The following SBF2 variants were observed in gnomAD, a reference collection of about 807,000 sequenced individuals.
SBF2 encodes myotubularin-related protein 13.
SBF2 carries 112 observed loss-of-function variants against 225.2 expected under a neutral mutation model. The ratio of observed to expected loss-of-function variants is 0.50; its 90% CI spans 0.43 to 0.58. The LOEUF is 0.58. Ranked by LOEUF, SBF2 falls within the 20% of genes least tolerant of loss-of-function variation. SBF2 has a pLI of 0.00. For missense variants in SBF2, 1,996 were observed against 2,206.2 expected (o/e 0.90, Z 1.91); for synonymous variants, 763 against 773.3 (o/e 0.99, Z 0.22).
Position 9,812,544 on chromosome 11 carries a change from C to A in SBF2, c.4143G>T (p.Glu1381Asp), listed in dbSNP as rs1270580365. 1.2e-6 allele frequency: 2 copies of A among 1,614,062 alleles called. No homozygotes were observed. Among genetic ancestry groups the A allele is most frequent in the East Asian group, 2.2e-5 (1 of 44,892 alleles). ...VTFLKALGDS[E>D]WFPQLHRIMQ... is the part of the protein sequence containing the mutation. ...CTTCAGACATTACCTGTGGGAACCACTCAGAATCTCCCAGCGCTTTCAGGA... is the reference window on the plus strand; with the variant it reads ...CTTCAGACATTACCTGTGGGAACCAATCAGAATCTCCCAGCGCTTTCAGGA... Residue 1381 changes from glutamate (E) to aspartate (D), a missense_variant, in exon 30 of 40, where the codon GAG becomes GAT. Physicochemically the swap from Glu to Asp is conservative, Grantham distance 45. Transcript: ENST00000256190.
intron 1 of SBF2, among the ~76,000 whole-genome samples, chr11:10,279,362 G>A (rs1246987020): frequency 6.8e-6 from 1 of 147,962 alleles, no homozygotes; most frequent in Admixed American, 6.8e-5. Context: ...GTAGTGAGCT[G>A]AGGTCGCACC....
At position 10,129,100 on chromosome 11, in the gene SBF2, CTTTTTT is replaced by C. The variant is rs757476668; in HGVS notation, c.141+64796_141+64801del. ...TTGTTATTTGCACGCAATTTTCTCT[CTTTTTT>C]TTTTTTTTTTTTTTTTTTTGAGACA... On this transcript the variant is annotated intron_variant, in intron 2 of 39. Coordinates refer to ENST00000256190, the MANE Select transcript of SBF2 (RefSeq NM_030962.4). Among the ~76,000 whole-genome samples, 121 of 89,954 alleles carry C rather than the reference CTTTTTT, an allele frequency of 1.3e-3. 1 individual carries two copies. Among genetic ancestry groups the C allele is most frequent in the African/African-American group, 4.4e-3 (107 of 24,268 alleles). 59.0% of individuals were successfully genotyped at this position (89,954 alleles called of 152,430 possible). A position where few individuals can be genotyped will look rare whatever the true frequency, so the allele number is the denominator to read the frequency against.
chr11:10,196,855 TATATA>T (rs1352038848), intron 1 of SBF2, among the ~76,000 whole-genome samples: 492 of 33,944 alleles, frequency 0.014, 13 homozygotes, highest in African/African-American at 0.033. Flanking sequence ...TATATATATA[TATATA>T]TATATATTTT....
chr11:9,965,686 AC>A, intron 14 of SBF2, among the ~76,000 whole-genome samples: 1 of 152,346 alleles, frequency 6.6e-6, no homozygotes, highest in East Asian at 1.9e-4. Flanking sequence ...CCCTATGGTG[AC>A]ATCTTTCATA....
chr11:10,121,530 T>C (rs964220978), intron 2 of SBF2, among the ~76,000 whole-genome samples: 15 of 152,342 alleles, frequency 9.8e-5, no homozygotes, highest in East Asian at 9.6e-4. Flanking sequence ...AAGACTTAGC[T>C]ACAAGGCAGA....
chr11:10,117,424 G>C (rs563102477), intron 2 of SBF2, among the ~76,000 whole-genome samples: 6 of 131,972 alleles, frequency 4.5e-5, no homozygotes, highest in Non-Finnish European at 9.3e-5. Flanking sequence ...CTGGGCGACA[G>C]AGTGAGAATC....
chr11:9,971,592 T>C (rs558609304), intron 13 of SBF2, among the ~76,000 whole-genome samples: 44 of 152,098 alleles, frequency 2.9e-4, no homozygotes, highest in South Asian at 1.2e-3. Flanking sequence ...GGGAGGAGGA[T>C]AGTTTAAGCC....
At chr11:9,919,870 T>C (rs888926104) in intron 16 of SBF2, among the ~76,000 whole-genome samples, 8 of 152,092 alleles carry the variant, frequency 5.3e-5, no homozygotes, top group Non-Finnish European at 1.0e-4. Flanking sequence ...AAGCTGAGAT[T>C]ACAGGCATGT....
intron 2 of SBF2, among the ~76,000 whole-genome samples, chr11:10,130,984 T>C (rs973491857): frequency 6.6e-6 from 1 of 152,128 alleles, no homozygotes; most frequent in Non-Finnish European, 1.5e-5. Context: ...CCATTGAAAA[T>C]AAAACCATGT....
At chr11:9,975,416 A>G (rs1946637817) in intron 13 of SBF2, among the ~76,000 whole-genome samples, 1 of 152,240 alleles carries the variant, frequency 6.6e-6, no homozygotes, top group Non-Finnish European at 1.5e-5. Flanking sequence ...GCCATTATGG[A>G]AAAGGCAAAA....
At chr11:9,932,006 C>CTATCAACTG in intron 16 of SBF2, among the ~76,000 whole-genome samples, 1 of 151,824 alleles carries the variant, frequency 6.6e-6, no homozygotes, top group Non-Finnish European at 1.5e-5. Flanking sequence ...ATACCCAATT[C>CTATCAACTG]GATCAACTGG....
intron 16 of SBF2, among the ~76,000 whole-genome samples, chr11:9,918,743 G>A (rs530402078): frequency 6.7e-6 from 1 of 149,774 alleles, no homozygotes; most frequent in East Asian, 2.0e-4. Flanking sequence ...GTGGATTTAC[G>A]TCTTTTTTTT....
chr11:10,153,069 T>A (rs766294242), intron 2 of SBF2, among the ~76,000 whole-genome samples: 1 of 152,220 alleles, frequency 6.6e-6, no homozygotes, highest in Non-Finnish European at 1.5e-5. Flanking sequence ...ATAAAGAGGA[T>A]TCATTTCATT....
chr11:9,844,760 G>A (rs567919789), intron 24 of SBF2, among the ~76,000 whole-genome samples: 28 of 152,018 alleles, frequency 1.8e-4, no homozygotes, highest in Non-Finnish European at 3.1e-4. Context: ...GACAAGGGGA[G>A]GGATAGCATT....
intron 1 of SBF2, among the ~76,000 whole-genome samples, chr11:10,277,684 T>C (rs780543269): frequency 5.2e-4 from 79 of 152,144 alleles, no homozygotes; most frequent in Non-Finnish European, 5.0e-4. Context: ...AATCCAATGA[T>C]TAGCATCTTT....
chr11:10,131,081 G>C (rs1954025519), intron 2 of SBF2, among the ~76,000 whole-genome samples: 1 of 152,154 alleles, frequency 6.6e-6, no homozygotes, highest in South Asian at 2.1e-4. Context: ...TAAGTGTATA[G>C]TTAGCATTTT....
intron 2 of SBF2, among the ~76,000 whole-genome samples, chr11:10,076,083 T>A (rs1331013596): frequency 6.6e-6 from 1 of 152,248 alleles, no homozygotes; most frequent in Non-Finnish European, 1.5e-5. Context: ...GGCATTAGGC[T>A]ACGCTGTGGA....
intron 2 of SBF2, among the ~76,000 whole-genome samples, chr11:10,172,107 T>A (rs1162954009): frequency 2.0e-5 from 3 of 152,132 alleles, no homozygotes; most frequent in Non-Finnish European, 4.4e-5. Flanking sequence ...GTTGATCTTT[T>A]GTATTGTTTT....
Position 10,046,775 on chromosome 11 carries a change from G to A in SBF2, c.142-3794C>T, listed in dbSNP as rs530567791. ...TATTATCCTACAAGTCCTAGTTAAC[G>A]CAATAAAATGAAAAAAATAAAAAGT... is the stretch of plus-strand genomic sequence containing the variant. On this transcript the variant is annotated intron_variant, in intron 2 of 39. Coordinates refer to ENST00000256190, the MANE Select transcript of SBF2 (RefSeq NM_030962.4). 8.0e-5 allele frequency among the ~76,000 whole-genome samples: 12 copies of A among 149,170 alleles called. No homozygotes were observed. In the South Asian group the frequency reaches 1.1e-3, roughly 13 times the overall value.
Sources: allele counts gnomAD v4.1 joint callset (sites outside exome capture counted in the v4.1 genomes callset), GRCh38; gene constraint gnomAD v4.1.1; transcripts MANE v1.5; gene names NCBI Gene and HGNC (gene_info 2026-07-23, HGNC 2026-07-21).